Variants in UNC5C observed in about 807,000 individuals in gnomAD.
The protein encoded by UNC5C is unc-5 netrin receptor C.
A neutral mutation model predicts 99.8 loss-of-function variants in UNC5C; 47 were observed. The ratio of observed to expected loss-of-function variants is 0.47; its 90% CI spans 0.37 to 0.60. UNC5C has a LOEUF of 0.60. UNC5C is among the 20% of genes least tolerant of loss of function. UNC5C has a pLI of 0.00. For missense variants in UNC5C, 1,062 were observed against 1,165.9 expected (o/e 0.91, Z 1.30); for synonymous variants, 487 against 452.2 (o/e 1.08, Z -0.98).
At chr4:95,448,238 G>C (rs111936668) in intron 1 of UNC5C, among the ~76,000 whole-genome samples, 43 of 137,022 alleles carry the variant, frequency 3.1e-4, no homozygotes, top group African/African-American at 1.0e-3. Context: ...GAGAGAGAGA[G>C]AGAGAGAGAG....
intron 1 of UNC5C, among the ~76,000 whole-genome samples, chr4:95,548,393 C>G (rs1332597340): frequency 6.6e-6 from 1 of 151,944 alleles, no homozygotes; most frequent in Non-Finnish European, 1.5e-5. Flanking sequence ...TCCAAACCTC[C>G]GTGTGTGCAA....
chr4:95,506,711 T>C (rs1206350454), intron 1 of UNC5C, among the ~76,000 whole-genome samples: 3 of 151,892 alleles, frequency 2.0e-5, no homozygotes, highest in East Asian at 1.9e-4. Flanking sequence ...GGTTGTTAAA[T>C]AGCTGTACTG....
chr4:95,169,502 T>C, intron 15 of UNC5C, 103 bp from the exon 16 acceptor site: 1 of 1,352,488 alleles, frequency 7.4e-7, no homozygotes, highest in South Asian at 1.4e-5. Context: ...AGTTTCCTGG[T>C]CCCATTGTGG....
intron 1 of UNC5C, among the ~76,000 whole-genome samples, chr4:95,496,815 T>A (rs1333083705): frequency 6.6e-6 from 1 of 151,868 alleles, no homozygotes; most frequent in African/African-American, 2.4e-5. Context: ...ACCCAATATG[T>A]AGTTTTTATC....
intron 1 of UNC5C, among the ~76,000 whole-genome samples, chr4:95,346,892 C>T (rs936153918): frequency 7.2e-5 from 11 of 151,870 alleles, no homozygotes. Context: ...TGTTAGTCAA[C>T]ATAGTACTAG....
intron 1 of UNC5C, among the ~76,000 whole-genome samples, chr4:95,509,506 T>TA (rs1050466859): frequency 5.3e-5 from 8 of 151,798 alleles, no homozygotes; most frequent in Non-Finnish European, 7.4e-5. Context: ...AGAAATTTAA[T>TA]AAAAAATCTG....
chr4:95,412,186 G>T (rs1026780735), intron 1 of UNC5C, among the ~76,000 whole-genome samples: 2 of 152,072 alleles, frequency 1.3e-5, no homozygotes, highest in Non-Finnish European at 2.9e-5. Flanking sequence ...ATTCTCCAGA[G>T]TGTGCTGCTT....
At chr4:95,310,855 A>G (rs1742251087) in intron 2 of UNC5C, among the ~76,000 whole-genome samples, 1 of 152,192 alleles carries the variant, frequency 6.6e-6, no homozygotes, top group Non-Finnish European at 1.5e-5. Context: ...ACTATAGATC[A>G]ACGCACGGTT....
chr4:95,201,315 C>T (rs1737646965), intron 12 of UNC5C, among the ~76,000 whole-genome samples: 1 of 152,074 alleles, frequency 6.6e-6, no homozygotes, highest in Non-Finnish European at 1.5e-5. Flanking sequence ...ATGGGATTCT[C>T]GAAAGGCCAC....
At chr4:95,204,487 C>T (rs371960029) in intron 11 of UNC5C, among the ~76,000 whole-genome samples, 8 of 152,238 alleles carry the variant, frequency 5.3e-5, no homozygotes, top group African/African-American at 9.6e-5. Flanking sequence ...CTTCGGCCTA[C>T]GGTTGCTATG....
intron 2 of UNC5C, among the ~76,000 whole-genome samples, chr4:95,321,005 C>A (rs1742667470): frequency 6.6e-6 from 1 of 152,130 alleles, no homozygotes; most frequent in African/African-American, 2.4e-5. Context: ...TAGTGAAACA[C>A]AACTTGCTAA....
At chr4:95,252,171 T>C (rs1362762263) in intron 4 of UNC5C, among the ~76,000 whole-genome samples, 3 of 152,212 alleles carry the variant, frequency 2.0e-5, no homozygotes, top group Non-Finnish European at 4.4e-5. Context: ...TGTGTGGAAA[T>C]ACGATCCTGC....
intron 7 of UNC5C, among the ~76,000 whole-genome samples, chr4:95,229,979 T>G (rs1738849707): frequency 6.6e-6 from 1 of 151,662 alleles, no homozygotes; most frequent in Admixed American, 6.6e-5. Flanking sequence ...GCCAACTAAT[T>G]TTTTGTATTT....
chr4:95,526,445 C>T (rs185895739), intron 1 of UNC5C, among the ~76,000 whole-genome samples: 1 of 152,046 alleles, frequency 6.6e-6, no homozygotes, highest in Non-Finnish European at 1.5e-5. Flanking sequence ...GGAAGATTTA[C>T]AATACAAAGT....
Position 95,328,300 on chromosome 4 carries a change from G to A in UNC5C, c.346+7110C>T, listed in dbSNP as rs1258620875. ...CTCATTGTTCAATTCCCACCTATGC[G>A]TGAGAATATGCGGTGTTTGGTTTTT... On this transcript the variant is annotated intron_variant, in intron 2 of 15. Transcript: ENST00000453304. 8.7e-5 allele frequency among the ~76,000 whole-genome samples: 8 copies of A among 92,336 alleles called. No homozygotes were observed. The East Asian group carries it at 2.9e-3, about 33-fold the overall frequency. 60.6% of individuals were successfully genotyped at this position (92,336 alleles called of 152,430 possible).
At chr4:95,510,643 G>A (rs1027148425) in intron 1 of UNC5C, among the ~76,000 whole-genome samples, 1 of 151,942 alleles carries the variant, frequency 6.6e-6, no homozygotes. Context: ...TTTACCTTAA[G>A]GGTAGTGTGC....
At chr4:95,523,929 A>G (rs1722431286) in intron 1 of UNC5C, among the ~76,000 whole-genome samples, 1 of 152,178 alleles carries the variant, frequency 6.6e-6, no homozygotes, top group South Asian at 2.1e-4. Context: ...AATAAGAAGA[A>G]ATAGATGTCA....
intron 1 of UNC5C, among the ~76,000 whole-genome samples, chr4:95,510,967 T>C (rs1722055508): frequency 1.3e-5 from 2 of 152,158 alleles, no homozygotes; most frequent in South Asian, 2.1e-4. Flanking sequence ...CATTAGCTAG[T>C]GCCCTGAGAA....
rs999567105 is a variant in UNC5C, at chr4:95,256,696, A to G, written c.595-6029T>C. 6.7e-3 allele frequency among the ~76,000 whole-genome samples: 810 copies of G among 120,362 alleles called. 13 individuals carry two copies. The highest frequency in any genetic ancestry group is 0.026 in the African/African-American group (760 of 29,120). The allele number at this position is 120,362 out of a possible 152,430, so 79.0% of individuals were successfully genotyped here. A position where few individuals can be genotyped will look rare whatever the true frequency, so the allele number is the denominator to read the frequency against. ...GAGTTGTCTAGAGGGACAGAACTAAATAAATATATATATATATATATATAT... is the reference window on the plus strand; with the variant it reads ...GAGTTGTCTAGAGGGACAGAACTAAGTAAATATATATATATATATATATAT... On this transcript the variant is annotated intron_variant, in intron 4 of 15. Transcript: ENST00000453304.
Sources: gnomAD v4.1 joint callset for allele counts (sites outside exome capture counted in the v4.1 genomes callset) on GRCh38, gnomAD v4.1.1 for gene constraint, MANE v1.5 for transcripts, NCBI Gene and HGNC (gene_info 2026-07-23, HGNC 2026-07-21) for gene names.